Variants in AASDH observed in about 807,000 individuals in gnomAD.
AASDH encodes the protein beta-alanine-activating enzyme.
AASDH carries 81 observed loss-of-function variants against 102.3 expected under a neutral mutation model. That is an observed-to-expected ratio of 0.79 (90% CI 0.66 to 0.95). The LOEUF (loss-of-function observed/expected upper bound fraction) is 0.95. Among genes scored for constraint, AASDH ranks in the 40% least tolerant of loss-of-function variants. The pLI, the probability that AASDH is intolerant of heterozygous loss-of-function variation, is 0.00. For missense variants in AASDH, 1,203 were observed against 1,266.2 expected, an observed-to-expected ratio of 0.95 and a Z score of 0.76; for synonymous variants, 398 against 454.0, an observed-to-expected ratio of 0.88 and a Z score of 1.57.
Position 56,368,228 on chromosome 4 carries a change from G to A in AASDH, c.861+3223C>T, listed in dbSNP as rs989309501. 6.9e-3 allele frequency among the ~76,000 whole-genome samples: 1,044 copies of A among 152,276 alleles called. 14 individuals carry two copies. Among genetic ancestry groups the A allele is most frequent in the African/African-American group, 0.024 (989 of 41,540 alleles). ...AAAAAGTCAGGAAACAACAGGTGCT[G>A]GAGAGGATGTGGAGAAATAGGAACA... On this transcript the variant is annotated intron_variant, in intron 5 of 14. Coordinates refer to ENST00000205214, the MANE Select transcript of AASDH (RefSeq NM_181806.4).
intron 1 of AASDH, 45 bp from the exon 2 acceptor site, chr4:56,384,386 G>A: frequency 9.0e-7 from 1 of 1,112,580 alleles, no homozygotes; most frequent in South Asian, 1.4e-5. Context: ...GTTTTAGAGA[G>A]CTCGGTGGAG....
chr4:56,385,888 C>T (rs1753492255), intron 1 of AASDH, among the ~76,000 whole-genome samples: 1 of 151,874 alleles, frequency 6.6e-6, no homozygotes, highest in Admixed American at 6.6e-5. Flanking sequence ...GGATTACAGG[C>T]GGAGCCACCG....
intron 5 of AASDH, among the ~76,000 whole-genome samples, chr4:56,368,819 C>T (rs1268440334): frequency 6.8e-6 from 1 of 147,566 alleles, no homozygotes; most frequent in East Asian, 2.0e-4. Context: ...CACATGTATA[C>T]ATATGTAACA....
chr4:56,369,425 T>A (rs903860224), intron 5 of AASDH, among the ~76,000 whole-genome samples: 2 of 152,200 alleles, frequency 1.3e-5, no homozygotes, highest in Admixed American at 1.3e-4. Context: ...ATTCATGGAA[T>A]GACTCTCTAA....
At chr4:56,357,717 G>T (rs576437958) in intron 5 of AASDH, among the ~76,000 whole-genome samples, 1 of 150,888 alleles carries the variant, frequency 6.6e-6, no homozygotes, top group Admixed American at 6.6e-5. Context: ...AGCCTGTTTT[G>T]GCCTGCCTTC....
intron 9 of AASDH, among the ~76,000 whole-genome samples, chr4:56,352,175 A>ATATCAATTC (rs2109885036): frequency 6.6e-6 from 1 of 152,340 alleles, no homozygotes; most frequent in African/African-American, 2.4e-5. Flanking sequence ...CCTAGACAGA[A>ATATCAATTC]TATCAATTCT....
chr4:56,341,082 T>C (rs551871108), intron 14 of AASDH, among the ~76,000 whole-genome samples: 66 of 152,182 alleles, frequency 4.3e-4, no homozygotes, highest in Non-Finnish European at 8.5e-4. Context: ...AGGGTAGTCA[T>C]TGTGGAAAAC....
intron 12 of AASDH, 62 bp from the exon 13 acceptor site, chr4:56,343,746 C>G (rs1747988407): frequency 1.3e-6 from 2 of 1,490,174 alleles, no homozygotes; most frequent in Non-Finnish European, 1.8e-6. Context: ...ATATAACCTA[C>G]CCTTCATGAT....
intron 5 of AASDH, among the ~76,000 whole-genome samples, chr4:56,368,174 A>G (rs1751254416): frequency 6.6e-6 from 1 of 152,244 alleles, no homozygotes; most frequent in Non-Finnish European, 1.5e-5. Context: ...ATGAGATACC[A>G]TCTCTCACTA....
rs199905259 is a variant in AASDH, at chr4:56,342,955, G to A, written c.2787C>T (p.Asn929=). Residue 929 remains asparagine (N), a synonymous_variant, in exon 14 of 15, where the codon AAC becomes AAT. Coordinates refer to ENST00000205214, the MANE Select transcript of AASDH (RefSeq NM_181806.4). ...TTCCACAGGAATGTTTCCAAATAAC[G>A]TTCCCAGTAGCCTGTCACAGGAAAA... ...LLLAVNPATG[N]VIWKHSCGKP... 5.0e-4 allele frequency: 791 copies of A among 1,581,868 alleles called. No individual in the cohort carries two copies. The highest frequency in any genetic ancestry group is 6.3e-4 in the Non-Finnish European group (738 of 1,164,446).
In AASDH at chr4:56,349,846, A is replaced by G. The variant is rs779070617; in HGVS notation, c.1905T>C (p.Asp635=). Residue 635 remains aspartate, a synonymous_variant, in exon 11 of 15, where the codon GAT becomes GAC. Coordinates refer to ENST00000205214, the MANE Select transcript of AASDH (RefSeq NM_181806.4). ...TGGCACAACTCTTCCTGAATGTCAC[A>G]TCTTCATCTGGAACCACTGTTTGAA... ...HILQTVVPDE[D]VTFRKSCATK... is the part of the protein sequence containing the mutation. 72 of 1,614,176 alleles carry G rather than the reference A, an allele frequency of 4.5e-5. No homozygotes were observed. Among genetic ancestry groups the G allele is most frequent in the Non-Finnish European group, 5.9e-5 (70 of 1,180,024 alleles).
At position 56,361,242 on chromosome 4, in the gene AASDH, C is replaced by G. The variant is rs111950285; in HGVS notation, c.862-5819G>C. Among the ~76,000 whole-genome samples, 403 of 152,112 alleles carry G rather than the reference C, an allele frequency of 2.6e-3. 1 individual carries two copies. Among genetic ancestry groups the G allele is most frequent in the African/African-American group, 9.3e-3 (386 of 41,504 alleles). On this transcript the variant is annotated intron_variant, in intron 5 of 14. Coordinates refer to ENST00000205214, the MANE Select transcript of AASDH (RefSeq NM_181806.4). ...GCCTAGCCAGGGTGAAACTCTGTCT[C>G]TACTAAAAATACAAAAATTAGCAGG...
At chr4:56,340,038 A>G (rs913331545) in intron 14 of AASDH, among the ~76,000 whole-genome samples, 30 of 152,060 alleles carry the variant, frequency 2.0e-4, no homozygotes, top group African/African-American at 7.2e-4. Flanking sequence ...GTGTGGTGGT[A>G]CACACCTGTA....
intron 4 of AASDH, 142 bp from the exon 5 acceptor site, chr4:56,371,785 G>A: frequency 7.2e-6 from 5 of 695,854 alleles, no homozygotes; most frequent in South Asian, 2.9e-5. Flanking sequence ...TAGCCAAAAT[G>A]GTGCTATCAA....
At chr4:56,376,419 T>C (rs2109988309) in intron 4 of AASDH, among the ~76,000 whole-genome samples, 1 of 152,348 alleles carries the variant, frequency 6.6e-6, no homozygotes, top group East Asian at 1.9e-4. Context: ...ATTTGACTTT[T>C]GTTACCTCTA....
chr4:56,374,476 G>A (rs987867350), intron 4 of AASDH, among the ~76,000 whole-genome samples: 14 of 151,916 alleles, frequency 9.2e-5, no homozygotes, highest in Non-Finnish European at 2.1e-4. Context: ...AAATGAGGCT[G>A]CCATAAACTT....
chr4:56,344,804 A>G (rs1325306138), intron 12 of AASDH, among the ~76,000 whole-genome samples: 2 of 152,148 alleles, frequency 1.3e-5, no homozygotes, highest in African/African-American at 4.8e-5. Flanking sequence ...TTCTTCCCAG[A>G]CCACACAAGC....
chr4:56,383,687 C>T (rs1486946241), intron 2 of AASDH, among the ~76,000 whole-genome samples: 1 of 152,118 alleles, frequency 6.6e-6, no homozygotes, highest in African/African-American at 2.4e-5. Context: ...TTATTGAATA[C>T]CTTAGTGCCT....
chr4:56,347,104 T>G (rs545977868), intron 11 of AASDH, among the ~76,000 whole-genome samples: 2 of 149,404 alleles, frequency 1.3e-5, no homozygotes, highest in Non-Finnish European at 3.0e-5. Context: ...AAAACCACAA[T>G]AAAATTCCAC....
Sources: allele counts gnomAD v4.1 joint callset (sites outside exome capture counted in the v4.1 genomes callset), GRCh38; gene constraint gnomAD v4.1.1; transcripts MANE v1.5; gene names NCBI Gene and HGNC (gene_info 2026-07-23, HGNC 2026-07-21).